The following SLC38A10 variants were observed in gnomAD, a reference collection of about 807,000 sequenced individuals.
SLC38A10 encodes the protein Sodium-coupled neutral amino acid transporter 10.
SLC38A10 carries 53 observed loss-of-function variants against 81.0 expected under a neutral mutation model. The ratio of observed to expected loss-of-function variants is 0.65; its 90% CI spans 0.53 to 0.82. The LOEUF (loss-of-function observed/expected upper bound fraction) is 0.82. Among genes scored for constraint, SLC38A10 ranks in the 40% least tolerant of loss-of-function variants. The probability of loss-of-function intolerance (pLI) is 0.00; values close to 1 mark genes in which losing one functional copy is unlikely to be tolerated. For synonymous variants in SLC38A10, 665 were observed against 655.3 expected, an observed-to-expected ratio of 1.01 and a Z score of -0.23; for missense variants, 1,471 against 1,545.0, an observed-to-expected ratio of 0.95 and a Z score of 0.80.
chr17:81,250,387 C>A (rs1057434160), intron 14 of SLC38A10, among the ~76,000 whole-genome samples: 4 of 152,268 alleles, frequency 2.6e-5, no homozygotes, highest in Non-Finnish European at 5.9e-5. Context: ...GCGACTGGGA[C>A]GTGGCTGCTG....
intron 1 of SLC38A10, among the ~76,000 whole-genome samples, chr17:81,291,241 G>A (rs919974761): frequency 2.0e-5 from 3 of 152,054 alleles, no homozygotes; most frequent in Non-Finnish European, 1.5e-5. Flanking sequence ...AGCACTTTGG[G>A]AGGCCGAGGC....
chr17:81,271,960 C>T (rs2063119838), intron 9 of SLC38A10, among the ~76,000 whole-genome samples: 1 of 151,868 alleles, frequency 6.6e-6, no homozygotes, highest in Non-Finnish European at 1.5e-5. Context: ...ATCTCCTGAC[C>T]TCGTGATCCG....
rs967540177 is a variant in SLC38A10 at position 81,276,931 on chromosome 17, C to T, written c.729+100G>A. 1.6e-6 allele frequency: 2 copies of T among 1,221,484 alleles called. No individual in the cohort carries two copies. Among genetic ancestry groups the T allele is most frequent in the Admixed American group, 1.8e-5 (1 of 56,180 alleles). The allele number at this position is 1,221,484 out of a possible 1,614,324, so 75.7% of individuals were successfully genotyped here. A position where few individuals can be genotyped will look rare whatever the true frequency, so the allele number is the denominator to read the frequency against. On this transcript the variant is annotated intron_variant, in intron 7 of 15. Coordinates refer to ENST00000374759, the MANE Select transcript of SLC38A10 (RefSeq NM_001037984.3). The surrounding 1 kb of genome is among the most constrained non-coding windows in gnomAD (Gnocchi z 4.7). ...GGGAACAGAGAGAAAAACCCAGCAG[C>T]ACACAGGGCCAGGGCCATGCCTGTG...
At chr17:81,275,650 T>A in intron 8 of SLC38A10, among the ~76,000 whole-genome samples, 1 of 143,892 alleles carries the variant, frequency 6.9e-6, no homozygotes, top group Non-Finnish European at 1.5e-5. Context: ...GAGAATGGCG[T>A]GAACCCGGGA....
intron 11 of SLC38A10, among the ~76,000 whole-genome samples, chr17:81,257,667 C>G (rs200442230): frequency 6.6e-6 from 1 of 152,268 alleles, no homozygotes; most frequent in East Asian, 1.9e-4. Flanking sequence ...GCCATCTCTG[C>G]CCCCGCACCA....
chr17:81,284,965 C>A, intron 2 of SLC38A10, 70 bp from the exon 3 acceptor site: 1 of 1,425,064 alleles, frequency 7.0e-7, no homozygotes, highest in Non-Finnish European at 9.5e-7. Context: ...AGGTACTGAG[C>A]CAAGCTGTCA....
chr17:81,271,214 C>T (rs1285543223), intron 9 of SLC38A10, among the ~76,000 whole-genome samples, 190 bp from the exon 10 acceptor site: 1 of 152,250 alleles, frequency 6.6e-6, no homozygotes, highest in Non-Finnish European at 1.5e-5. Context: ...TCCAACAGTG[C>T]ATTTAGGCCC....
intron 11 of SLC38A10, among the ~76,000 whole-genome samples, chr17:81,257,860 ATGCAGCAAGGGAGGGGCG>A (rs1248467793): frequency 6.6e-6 from 1 of 152,240 alleles, no homozygotes; most frequent in African/African-American, 2.4e-5. Context: ...GTGCTGCCCC[ATGCAGCAAGGGAGGGGCG>A]TGCAGGCACC....
Position 81,253,060 on chromosome 17 carries a change from C to A in SLC38A10, c.1456+13G>T, listed in dbSNP as rs753437445. 6 of 1,610,458 alleles carry A rather than the reference C, an allele frequency of 3.7e-6. No homozygotes were observed. Among genetic ancestry groups the A allele is most frequent in the Non-Finnish European group, 5.1e-6 (6 of 1,179,136 alleles). On this transcript the variant is annotated intron_variant, in intron 12 of 15. Transcript: ENST00000374759. The surrounding 1 kb of genome is among the most constrained non-coding windows in gnomAD (Gnocchi z 4.1). ...GCCCTTCCCCATCCGCACCCCCAGC[C>A]AGTGCCCAGCACCTTGCCCAGGGCG...
At chr17:81,279,724 AT>A (rs1332348064) in intron 6 of SLC38A10, 1 of 154,930 alleles carries the variant, frequency 6.5e-6, no homozygotes, top group African/African-American at 2.4e-5. Flanking sequence ...ATTTCTAAAT[AT>A]GCAAACACGC....
intron 11 of SLC38A10, among the ~76,000 whole-genome samples, chr17:81,255,165 C>T (rs560076554): frequency 1.3e-5 from 2 of 152,368 alleles, no homozygotes; most frequent in East Asian, 3.9e-4. Flanking sequence ...CAGCGTTCTG[C>T]AAGTGTTGCT....
In SLC38A10 at chr17:81,252,533, C is replaced by G. The variant is rs768181471; in HGVS notation, c.1607G>C (p.Gly536Ala). 2.5e-6 allele frequency: 4 copies of G among 1,613,340 alleles called. No individual in the cohort carries two copies. Among genetic ancestry groups the G allele is most frequent in the Non-Finnish European group, 3.4e-6 (4 of 1,180,028 alleles). ...HAGGKAPGVQ[G>A]QMAPPLPDSE... ...GTCGGGCAGAGGCGGCGCCATCTGG[C>G]CCTGGACCCCTGGAGCCTTTCCGCC... Residue 536 changes from glycine to alanine, a missense_variant, in exon 13 of 16, where the codon GGC (glycine) becomes GCC (alanine). This residue lies in a region of SLC38A10 where 720 missense variants were observed against 827.7 expected (regional missense o/e 0.87). Coordinates refer to ENST00000374759, the MANE Select transcript of SLC38A10 (RefSeq NM_001037984.3).
rs907821345 is a variant in SLC38A10 at position 81,286,541 on chromosome 17, C to T, written c.218-1646G>A. The stretch of plus-strand genomic sequence containing the variant: ...ACTGACCCCACTCCTTCACATCCTG[C>T]GTGGACTGGCACAGAGAAAGGGAGG... On this transcript the variant is annotated intron_variant, in intron 2 of 15. Transcript: ENST00000374759. This position sits in a 1 kb window ranked among gnomAD's most constrained non-coding sequence, Gnocchi z 6.0. Among the ~76,000 whole-genome samples the T allele has an allele frequency of 1.1e-4, 17 of 152,242 alleles. No homozygotes were observed. The highest frequency in any genetic ancestry group is 2.6e-4 in the Admixed American group (4 of 15,282).
intron 6 of SLC38A10, 80 bp downstream of exon 6, chr17:81,280,529 G>T: frequency 6.4e-7 from 1 of 1,573,028 alleles, no homozygotes; most frequent in Non-Finnish European, 8.6e-7. Context: ...CACAGTAAAC[G>T]AGAAAGAGAG....
In SLC38A10 at chr17:81,253,533, T is replaced by A. The variant is rs552489168; in HGVS notation, c.1289-293A>T. Among the ~76,000 whole-genome samples, 82 of 151,998 alleles carry A rather than the reference T, an allele frequency of 5.4e-4. 1 individual carries two copies. The highest frequency in any genetic ancestry group is 2.9e-5 in the Non-Finnish European group (2 of 67,948). On this transcript the variant is annotated intron_variant, in intron 11 of 15. Transcript: ENST00000374759. The surrounding 1 kb of genome is among the most constrained non-coding windows in gnomAD (Gnocchi z 4.1). ...GCGGCACGAGCCCACCGACCCACTC[T>A]CCCACAGTCCCCTCCATTACCATCA...
chr17:81,274,179 G>A (rs1598397068), intron 8 of SLC38A10, among the ~76,000 whole-genome samples: 2 of 152,226 alleles, frequency 1.3e-5, no homozygotes, highest in East Asian at 3.8e-4. Context: ...GACGGGCTCT[G>A]GCCTTGCCTC....
In SLC38A10 at chr17:81,276,593, T is replaced by C. The variant is rs1037643453; in HGVS notation, c.729+438A>G. On this transcript the variant is annotated intron_variant, in intron 7 of 15. Transcript: ENST00000374759. This position sits in a 1 kb window ranked among gnomAD's most constrained non-coding sequence, Gnocchi z 4.7. Reference sequence around the variant, plus strand: ...TTTTAGTAGAGACAGGGTTTCACCATGTTGGCCAGGCTGGTCTTGAACTCC... The same window carrying C: ...TTTTAGTAGAGACAGGGTTTCACCACGTTGGCCAGGCTGGTCTTGAACTCC... Among the ~76,000 whole-genome samples, 1 of 152,146 alleles carries C rather than the reference T, an allele frequency of 6.6e-6. No homozygotes were observed. The highest frequency in any genetic ancestry group is 2.4e-5 in the African/African-American group (1 of 41,400).
intron 10 of SLC38A10, among the ~76,000 whole-genome samples, chr17:81,266,347 C>T (rs894148804): frequency 1.3e-5 from 2 of 152,174 alleles, no homozygotes; most frequent in African/African-American, 2.4e-5. Flanking sequence ...GGGCCGGACG[C>T]GGTGGCTCAC....
At chr17:81,275,168 A>C (rs962212395) in intron 8 of SLC38A10, among the ~76,000 whole-genome samples, 1 of 152,138 alleles carries the variant, frequency 6.6e-6, no homozygotes, top group African/African-American at 2.4e-5. Flanking sequence ...TCGCCCTCCC[A>C]AAGTGCTGGG....
Sources: gnomAD v4.1 joint callset for allele counts (sites outside exome capture counted in the v4.1 genomes callset) on GRCh38, gnomAD v4.1.1 for gene constraint, gnomAD v4.1.1 regional missense constraint, Gnocchi (gnomAD v3.1) non-coding constraint, MANE v1.5 for transcripts, NCBI Gene and HGNC (gene_info 2026-07-23, HGNC 2026-07-21) for gene names.